Variants in ITPR2 observed in about 807,000 individuals in gnomAD.
ITPR2 encodes the protein inositol 1,4,5-trisphosphate-gated calcium channel ITPR2.
Under a neutral mutation model 317.1 loss-of-function variants are expected in ITPR2, and 207 were observed. The ratio of observed to expected loss-of-function variants is 0.65; its 90% CI spans 0.58 to 0.73. The LOEUF (loss-of-function observed/expected upper bound fraction) is 0.73, where lower values mean the gene tolerates loss of function less well. ITPR2 is among the 30% of genes least tolerant of loss of function. The pLI, the probability that ITPR2 is intolerant of heterozygous loss-of-function variation, is 0.00. For synonymous variants in ITPR2, 1,156 were observed against 1,149.1 expected (o/e 1.01, Z -0.12); for missense variants, 2,613 against 3,284.0 (o/e 0.80, Z 4.99).
intron 45 of ITPR2, among the ~76,000 whole-genome samples, chr12:26,451,898 C>A (rs565212676): frequency 2.0e-5 from 3 of 152,158 alleles, no homozygotes; most frequent in African/African-American, 7.2e-5. Context: ...CTTTGTACTA[C>A]GATTTTATCA....
chr12:26,827,245 A>G (rs1429339664), intron 1 of ITPR2, among the ~76,000 whole-genome samples: 2 of 152,250 alleles, frequency 1.3e-5, no homozygotes, highest in Non-Finnish European at 2.9e-5. Context: ...GGAAATACAA[A>G]GCAGGCCCCT....
intron 48 of ITPR2, among the ~76,000 whole-genome samples, chr12:26,428,782 T>C (rs1941132095): frequency 6.6e-6 from 1 of 152,218 alleles, no homozygotes; most frequent in Admixed American, 6.5e-5. Context: ...TTTTCTTTAA[T>C]AAGTAGTACA....
At chr12:26,696,350 T>C (rs1332006653) in intron 9 of ITPR2, among the ~76,000 whole-genome samples, 1 of 152,186 alleles carries the variant, frequency 6.6e-6, no homozygotes, top group Non-Finnish European at 1.5e-5. Context: ...ATGTATGAGG[T>C]GTGTTTCTTG....
intron 35 of ITPR2, among the ~76,000 whole-genome samples, 159 bp downstream of exon 35, chr12:26,561,603 C>T (rs757170750): frequency 1.1e-4 from 16 of 152,124 alleles, no homozygotes; most frequent in Non-Finnish European, 2.2e-4. Flanking sequence ...CATATGGAAG[C>T]TATATGTTTA....
chr12:26,425,683 A>AC (rs1455318350), intron 49 of ITPR2, among the ~76,000 whole-genome samples: 1 of 151,840 alleles, frequency 6.6e-6, no homozygotes, highest in Non-Finnish European at 1.5e-5. Flanking sequence ...AAAAAAAAAA[A>AC]AACGCTCTGA....
intron 37 of ITPR2, among the ~76,000 whole-genome samples, chr12:26,541,573 A>G (rs559538119): frequency 6.6e-6 from 1 of 152,370 alleles, no homozygotes; most frequent in African/African-American, 2.4e-5. Flanking sequence ...AATGCAGTCT[A>G]TGTAGCATTT....
chr12:26,597,799 C>G (rs1307828790), intron 30 of ITPR2, among the ~76,000 whole-genome samples: 2 of 152,088 alleles, frequency 1.3e-5, no homozygotes. Context: ...ATTGTTCAAG[C>G]TCCATAGTAT....
rs556755972 is a variant in ITPR2 at position 26,484,813 on chromosome 12, G to A, written c.5812-915C>T. On this transcript the variant is annotated intron_variant, in intron 41 of 56. Coordinates refer to ENST00000381340, the MANE Select transcript of ITPR2 (RefSeq NM_002223.4). The stretch of plus-strand genomic sequence containing the variant: ...TGCAAGCTCCGCCTCCCGGGTTCAC[G>A]CCATTCTCCTGCCTCAGCCTCCGGA... Among the ~76,000 whole-genome samples the A allele has an allele frequency of 2.0e-5, 3 of 152,148 alleles. No homozygotes were observed. In the South Asian group the frequency reaches 6.3e-4, roughly 32 times the overall value.
intron 32 of ITPR2, among the ~76,000 whole-genome samples, chr12:26,591,799 G>A (rs528739369): frequency 6.6e-6 from 1 of 151,042 alleles, no homozygotes; most frequent in East Asian, 1.9e-4. Flanking sequence ...TCACACCACT[G>A]TACTCCAGCC....
At chr12:26,555,950 G>C (rs1401869908) in intron 36 of ITPR2, among the ~76,000 whole-genome samples, 1 of 152,120 alleles carries the variant, frequency 6.6e-6, no homozygotes, top group Non-Finnish European at 1.5e-5. Flanking sequence ...TATAATTATG[G>C]AAAGGAATTA....
At chr12:26,611,828 T>C (rs1946276675) in intron 26 of ITPR2, among the ~76,000 whole-genome samples, 1 of 152,246 alleles carries the variant, frequency 6.6e-6, no homozygotes, top group African/African-American at 2.4e-5. Context: ...TAATCTCTCC[T>C]TCCTATATTT....
At chr12:26,404,516 A>C (rs1940284261) in intron 52 of ITPR2, among the ~76,000 whole-genome samples, 1 of 152,238 alleles carries the variant, frequency 6.6e-6, no homozygotes, top group South Asian at 2.1e-4. Flanking sequence ...AGAAGCAAAA[A>C]AATAGTCACT....
At chr12:26,547,085 A>G in intron 37 of ITPR2, among the ~76,000 whole-genome samples, 1 of 152,346 alleles carries the variant, frequency 6.6e-6, no homozygotes, top group East Asian at 1.9e-4. Context: ...TCTGCACAGC[A>G]GAGGAAACAC....
At position 26,526,500 on chromosome 12, in the gene ITPR2, T is replaced by G. The variant is rs547334137; in HGVS notation, c.5073+23747A>C. On this transcript the variant is annotated intron_variant, in intron 37 of 56. Transcript: ENST00000381340. ...GAGGTTGAAAAGATGGCCCAAGTTGTGTTGTGCAGGGTCCTACTAATTTTG... is the reference window on the plus strand; with the variant it reads ...GAGGTTGAAAAGATGGCCCAAGTTGGGTTGTGCAGGGTCCTACTAATTTTG... Among the ~76,000 whole-genome samples the G allele has an allele frequency of 1.2e-3, 178 of 152,292 alleles. 1 individual carries two copies. Among genetic ancestry groups the G allele is most frequent in the African/African-American group, 4.1e-3 (172 of 41,564 alleles).
At chr12:26,641,648 G>C (rs1414784656) in intron 21 of ITPR2, among the ~76,000 whole-genome samples, 1 of 152,182 alleles carries the variant, frequency 6.6e-6, no homozygotes, top group Non-Finnish European at 1.5e-5. Flanking sequence ...AAAAGACCTA[G>C]AGGTGTGCTA....
chr12:26,555,845 A>G (rs765273211), intron 36 of ITPR2, among the ~76,000 whole-genome samples: 1 of 152,252 alleles, frequency 6.6e-6, no homozygotes, highest in African/African-American at 2.4e-5. Flanking sequence ...ATATGACAAT[A>G]GTAAGACCTC....
At chr12:26,562,092 A>C (rs2137030230) in intron 34 of ITPR2, 140 bp from the exon 35 acceptor site, 1 of 581,150 alleles carries the variant, frequency 1.7e-6, no homozygotes, top group South Asian at 3.9e-5. Context: ...ATAACTGTAA[A>C]AGCTTCTAAC....
chr12:26,741,758 G>C (rs1949232383), intron 2 of ITPR2, among the ~76,000 whole-genome samples: 1 of 152,180 alleles, frequency 6.6e-6, no homozygotes, highest in African/African-American at 2.4e-5. Context: ...AATTCTGAGA[G>C]GGCTCTAGTC....
intron 13 of ITPR2, among the ~76,000 whole-genome samples, chr12:26,678,785 A>T (rs2136955449): frequency 6.6e-6 from 1 of 152,356 alleles, no homozygotes; most frequent in South Asian, 2.1e-4. Context: ...CTCTCTAGTC[A>T]GTCCTAGTCC....
Sources: gnomAD v4.1 joint callset for allele counts (sites outside exome capture counted in the v4.1 genomes callset) on GRCh38, gnomAD v4.1.1 for gene constraint, MANE v1.5 for transcripts, NCBI Gene and HGNC (gene_info 2026-07-23, HGNC 2026-07-21) for gene names.